Variants in PRPF18 observed in about 807,000 individuals in gnomAD.
The protein encoded by PRPF18 is pre-mRNA processing factor 18.
In PRPF18, 38 loss-of-function variants were observed where a neutral mutation model predicts 46.5. The observed-to-expected ratio is 0.82, with a 90% CI of 0.63 to 1.07. PRPF18 has a LOEUF of 1.07. Among genes scored for constraint, PRPF18 ranks in the 50% least tolerant of loss-of-function variants. The pLI is 0.00. For synonymous variants in PRPF18, 152 were observed against 146.7 expected, an observed-to-expected ratio of 1.04 and a Z score of -0.26; for missense variants, 263 against 410.0, an observed-to-expected ratio of 0.64 and a Z score of 3.10.
chr10:13,653,391 G>T, the PRPF18 span: 1 of 152,290 alleles, frequency 6.6e-6, no homozygotes, highest in East Asian at 1.9e-4. Context: ...TAGTAATCCC[G>T]GCTACTAGGA....
chr10:13,602,013 C>T (rs1230064670), intron 3 of PRPF18, among the ~76,000 whole-genome samples: 1 of 152,152 alleles, frequency 6.6e-6, no homozygotes, highest in East Asian at 1.9e-4. Flanking sequence ...AAAATAATTT[C>T]TGGTCAGAGT....
the PRPF18 span, chr10:13,654,199 T>G: frequency 3.2e-5 from 19 of 588,542 alleles, 1 homozygote; most frequent in East Asian, 5.1e-4. Flanking sequence ...CCGCCTACTT[T>G]AAGAGAACAC....
chr10:13,604,526 T>G (rs1325312405), intron 3 of PRPF18, among the ~76,000 whole-genome samples: 1 of 152,222 alleles, frequency 6.6e-6, no homozygotes, highest in Non-Finnish European at 1.5e-5. Flanking sequence ...ACTCCCTGTT[T>G]TCTGAGGGAG....
chr10:13,643,937 T>C, the PRPF18 span: 1 of 152,604 alleles, frequency 6.6e-6, no homozygotes, highest in Non-Finnish European at 1.5e-5. Context: ...TAATCTTTTT[T>C]CCCCCATTAT....
intron 1 of PRPF18, among the ~76,000 whole-genome samples, chr10:13,593,509 GGATTA>G (rs1003653594): frequency 5.3e-5 from 8 of 152,284 alleles, no homozygotes; most frequent in Non-Finnish European, 7.4e-5. Flanking sequence ...AAGTGGACAC[GGATTA>G]GATTAAACAG....
chr10:13,595,991 G>A (rs1410242661), intron 1 of PRPF18, among the ~76,000 whole-genome samples: 1 of 152,154 alleles, frequency 6.6e-6, no homozygotes, highest in Non-Finnish European at 1.5e-5. Context: ...AATTTTATCA[G>A]ATACTCTTCT....
At chr10:13,654,422 T>A in the PRPF18 span, 7 of 1,600,456 alleles carry the variant, frequency 4.4e-6, no homozygotes, top group Non-Finnish European at 6.0e-6. Context: ...TCACCCAGTC[T>A]GCCAGGTTAG....
chr10:13,590,687 T>C (rs1264667605), intron 1 of PRPF18, among the ~76,000 whole-genome samples: 3 of 150,958 alleles, frequency 2.0e-5, no homozygotes, highest in Non-Finnish European at 4.4e-5. Flanking sequence ...CATCATGCAA[T>C]ATGTGTTTTC....
the PRPF18 span, chr10:13,645,963 C>T: frequency 3.9e-5 from 6 of 152,512 alleles, no homozygotes; most frequent in Non-Finnish European, 5.9e-5. Context: ...TATCACCTTA[C>T]GTTACTACAA....
At position 13,586,987 on chromosome 10, in the gene PRPF18, T is replaced by C; in HGVS notation, c.-100T>C. ...GTCAGTTGTTCTCAGGTGTTTGGGC[T>C]TGTTGTTCCGTATACTCAGTGGGTT... On this transcript the variant is annotated 5_prime_UTR_variant, in exon 1 of 10. Coordinates refer to ENST00000378572, the MANE Select transcript of PRPF18 (RefSeq NM_003675.4). The C allele has an allele frequency of 8.1e-7, 1 of 1,232,052 alleles. No individual in the cohort carries two copies. Among genetic ancestry groups the C allele is most frequent in the Non-Finnish European group, 1.2e-6 (1 of 833,622 alleles). The allele number at this position is 1,232,052 out of a possible 1,614,324, so 76.3% of individuals were successfully genotyped here. A position where few individuals can be genotyped will look rare whatever the true frequency, so the allele number is the denominator to read the frequency against.
chr10:13,654,307 G>A, the PRPF18 span: 4 of 800,594 alleles, frequency 5.0e-6, no homozygotes, highest in Non-Finnish European at 8.9e-6. Flanking sequence ...ACCTCCCAGT[G>A]ATGAACCCTC....
the PRPF18 span, chr10:13,646,175 A>T: frequency 6.6e-6 from 1 of 152,624 alleles, no homozygotes; most frequent in African/African-American, 2.4e-5. Context: ...CGGAGAGAGA[A>T]GTGGGCCAGT....
chr10:13,654,425 C>A, the PRPF18 span: 23 of 1,603,342 alleles, frequency 1.4e-5, no homozygotes, highest in Non-Finnish European at 1.9e-5. Flanking sequence ...CCCAGTCTGC[C>A]AGGTTAGGAT....
chr10:13,609,928 C>T, intron 4 of PRPF18, 111 bp from the exon 5 acceptor site: 1 of 1,190,156 alleles, frequency 8.4e-7, no homozygotes, highest in Non-Finnish European at 1.2e-6. Context: ...TTTTGCTGAA[C>T]TCTTCTTGTG....
chr10:13,599,196 A>G (rs1022055586), intron 2 of PRPF18, among the ~76,000 whole-genome samples: 4 of 152,150 alleles, frequency 2.6e-5, no homozygotes, highest in African/African-American at 9.7e-5. Flanking sequence ...ATTCTTTTGT[A>G]GAAATGAGTT....
At chr10:13,635,561 A>AT (rs1191836784), downstream of PRPF18, among the ~76,000 whole-genome samples, 1 of 152,116 alleles carries the variant, frequency 6.6e-6, no homozygotes, top group Non-Finnish European at 1.5e-5. Flanking sequence ...AGCATCTGTT[A>AT]TTTTTTAATT....
chr10:13,647,916 A>C, the PRPF18 span: 1 of 152,238 alleles, frequency 6.6e-6, no homozygotes, highest in South Asian at 2.1e-4. Context: ...CCTCTCCTGC[A>C]ACTGATCTCC....
At chr10:13,609,217 G>A (rs2080236792) in intron 4 of PRPF18, among the ~76,000 whole-genome samples, 1 of 152,178 alleles carries the variant, frequency 6.6e-6, no homozygotes, top group African/African-American at 2.4e-5. Context: ...ATGTTTGCGA[G>A]GTTCTGGAAC....
At chr10:13,621,810 T>C (rs1054165344) in intron 9 of PRPF18, among the ~76,000 whole-genome samples, 25 of 152,222 alleles carry the variant, frequency 1.6e-4, no homozygotes, top group African/African-American at 6.0e-4. Context: ...GCAAGTTGTT[T>C]TCAGTAAGCT....
Sources: gnomAD v4.1 joint callset for allele counts (sites outside exome capture counted in the v4.1 genomes callset) on GRCh38, gnomAD v4.1.1 for gene constraint, MANE v1.5 for transcripts, NCBI Gene and HGNC (gene_info 2026-07-23, HGNC 2026-07-21) for gene names.